HESX1: variants seen among roughly 807,000 people sequenced by gnomAD.
HESX1 encodes the protein HESX homeobox 1, also known as homeobox expressed in ES cells 1.
Under a neutral mutation model 22.5 loss-of-function variants are expected in HESX1, and 11 were observed. The observed-to-expected ratio is 0.49, with a 90% confidence interval of 0.31 to 0.81. The LOEUF (loss-of-function observed/expected upper bound fraction) is 0.81, where lower values mean the gene tolerates loss of function less well. Ranked by LOEUF, HESX1 falls within the 30% of genes least tolerant of loss-of-function variation. The pLI is 0.05. For synonymous variants in HESX1, 74 were observed against 76.5 expected, an observed-to-expected ratio of 0.97 and a Z score of 0.17; for missense variants, 201 against 212.6, an observed-to-expected ratio of 0.95 and a Z score of 0.34.
At chr3:57,212,909 A>G (rs1042404717) in intron 1 of HESX1, among the ~76,000 whole-genome samples, 1 of 152,120 alleles carries the variant, frequency 6.6e-6, no homozygotes, top group Non-Finnish European at 1.5e-5. Flanking sequence ...CATCATTTAC[A>G]TTAGGTATTT....
At chr3:57,225,881 CTT>C (rs540522007) in intron 1 of HESX1, among the ~76,000 whole-genome samples, 9 of 132,106 alleles carry the variant, frequency 6.8e-5, no homozygotes, top group Admixed American at 7.8e-5. Flanking sequence ...CTTTTCTTTT[CTT>C]TTTTTTTTTT....
intron 1 of HESX1, among the ~76,000 whole-genome samples, chr3:57,217,353 G>C (rs564456335): frequency 2.0e-5 from 3 of 152,208 alleles, no homozygotes; most frequent in Admixed American, 2.0e-4. Context: ...TCCAGCACCA[G>C]AGGGTTCATT....
chr3:57,218,255 T>C (rs1345889066), intron 1 of HESX1, among the ~76,000 whole-genome samples: 1 of 152,018 alleles, frequency 6.6e-6, no homozygotes, highest in East Asian at 1.9e-4. Flanking sequence ...TCTTCCTCTT[T>C]CTTACCTCCA....
intron 1 of HESX1, among the ~76,000 whole-genome samples, chr3:57,211,631 A>G (rs549782614): frequency 6.6e-6 from 1 of 151,378 alleles, no homozygotes; most frequent in African/African-American, 2.4e-5. Context: ...TCAGGAGTTC[A>G]AGACCAGCCT....
upstream of HESX1, among the ~76,000 whole-genome samples, chr3:57,227,375 C>T (rs1232919048): frequency 6.6e-6 from 1 of 152,220 alleles, no homozygotes; most frequent in African/African-American, 2.4e-5. Context: ...TCTGAGGAAA[C>T]TAAAAGGCGC....
At chr3:57,212,557 C>CAA (rs56093005) in intron 1 of HESX1, among the ~76,000 whole-genome samples, 6 of 80,140 alleles carry the variant, frequency 7.5e-5, no homozygotes, top group African/African-American at 1.6e-4. Context: ...GACTCTGTCT[C>CAA]AAAAAAAAAA....
At chr3:57,199,372 A>C (rs1159041509) in intron 1 of HESX1, among the ~76,000 whole-genome samples, 1 of 152,052 alleles carries the variant, frequency 6.6e-6, no homozygotes, top group African/African-American at 2.4e-5. Context: ...TAATCCTAAC[A>C]CTTTGGGAGG....
chr3:57,222,804 A>G (rs970059039), intron 1 of HESX1, among the ~76,000 whole-genome samples: 5 of 152,242 alleles, frequency 3.3e-5, no homozygotes, highest in Non-Finnish European at 5.9e-5. Flanking sequence ...ATTGATTTTG[A>G]AATTTTGGTT....
chr3:57,215,665 G>A (rs566234518), intron 1 of HESX1, among the ~76,000 whole-genome samples: 1 of 152,230 alleles, frequency 6.6e-6, no homozygotes, highest in East Asian at 1.9e-4. Context: ...TACTCAGGAG[G>A]CTGAGGCAGG....
chr3:57,225,745 A>T (rs1365429506), intron 1 of HESX1, among the ~76,000 whole-genome samples: 1 of 152,246 alleles, frequency 6.6e-6, no homozygotes, highest in Admixed American at 6.5e-5. Flanking sequence ...GTTTAGATGT[A>T]CATAACATAC....
At position 57,198,243 on chromosome 3, in the gene HESX1, T is replaced by C. The variant is rs2060460068; in HGVS notation, c.512A>G (p.Gln171Arg). The change falls in exon 4 of 4, where the codon CAG becomes CGG. Residue 171 changes from glutamine to arginine, a missense_variant. Coordinates refer to ENST00000295934, the MANE Select transcript of HESX1 (RefSeq NM_003865.3). ...AKLKRSHRES[Q>R]FLMAKKNFNT... ...GAAATTTTTTTTCGCCATTAGAAAC[T>C]GTGATTCTCTATGGGACCTTTTCAG... The C allele has an allele frequency of 5.0e-6, 8 of 1,613,298 alleles. No individual in the cohort carries two copies. The highest frequency in any genetic ancestry group is 5.9e-6 in the Non-Finnish European group (7 of 1,179,534).
intron 1 of HESX1, among the ~76,000 whole-genome samples, chr3:57,214,495 C>T (rs1268806673): frequency 1.3e-5 from 2 of 152,166 alleles, no homozygotes; most frequent in African/African-American, 4.8e-5. Context: ...TAAATTCCAG[C>T]TCTTCTTAGC....
chr3:57,204,615 G>A (rs2060509484), upstream of HESX1, among the ~76,000 whole-genome samples: 1 of 152,142 alleles, frequency 6.6e-6, no homozygotes, highest in South Asian at 2.1e-4. Flanking sequence ...CAAAGAGATG[G>A]TTTTAGAAGC....
At chr3:57,211,199 CA>C (rs1559500438) in intron 1 of HESX1, among the ~76,000 whole-genome samples, 1 of 140,722 alleles carries the variant, frequency 7.1e-6, no homozygotes, top group African/African-American at 2.7e-5. Context: ...GCCTGGGCAA[CA>C]GAGTGAAACT....
At chr3:57,225,383 G>A (rs995005309) in intron 1 of HESX1, among the ~76,000 whole-genome samples, 1 of 151,802 alleles carries the variant, frequency 6.6e-6, no homozygotes, top group Non-Finnish European at 1.5e-5. Context: ...ACAGAGTTTC[G>A]CTCTGTCGCC....
At chr3:57,217,615 G>C (rs997185497) in intron 1 of HESX1, among the ~76,000 whole-genome samples, 30 of 152,002 alleles carry the variant, frequency 2.0e-4, no homozygotes, top group Non-Finnish European at 4.1e-4. Flanking sequence ...ACCTAGCCAT[G>C]CTCCACGTGA....
chr3:57,224,535 T>C (rs2060632407), intron 1 of HESX1, among the ~76,000 whole-genome samples: 1 of 152,188 alleles, frequency 6.6e-6, no homozygotes, highest in Non-Finnish European at 1.5e-5. Flanking sequence ...GGTTTGTGGA[T>C]TACCCACTTC....
intron 1 of HESX1, among the ~76,000 whole-genome samples, chr3:57,207,747 T>C (rs2060527619): frequency 1.3e-5 from 2 of 151,170 alleles, no homozygotes; most frequent in Admixed American, 1.3e-4. Flanking sequence ...AAGAAGAAAT[T>C]ATCAGAAATG....
In HESX1 at chr3:57,198,159, T is replaced by C; in HGVS notation, c.*38A>G. The C allele has an allele frequency of 8.2e-7, 1 of 1,213,470 alleles. No homozygotes were observed. Among genetic ancestry groups the C allele is most frequent in the Non-Finnish European group, 1.2e-6 (1 of 816,606 alleles). The allele number at this position is 1,213,470 out of a possible 1,614,324, so 75.2% of individuals were successfully genotyped here. A position where few individuals can be genotyped will look rare whatever the true frequency, so the allele number is the denominator to read the frequency against. ...ATATTTCCACTGATTCTTCATGCTC[T>C]GCAATTAGAAGATAATTTCACTTGT... On this transcript the variant is annotated 3_prime_UTR_variant, in exon 4 of 4. Transcript: ENST00000295934.
Sources: allele counts gnomAD v4.1 joint callset (sites outside exome capture counted in the v4.1 genomes callset), GRCh38; gene constraint gnomAD v4.1.1; transcripts MANE v1.5; gene names NCBI Gene and HGNC (gene_info 2026-07-23, HGNC 2026-07-21).